The following TRAPPC8 variants were observed in gnomAD, a reference collection of about 807,000 sequenced individuals.
TRAPPC8 encodes the protein trafficking protein particle complex subunit 8, also known as general sporulation gene 1 homolog.
Under a neutral mutation model 174.3 loss-of-function variants are expected in TRAPPC8, and 54 were observed. The ratio of observed to expected loss-of-function variants is 0.31; its 90% confidence interval spans 0.25 to 0.39. The LOEUF is 0.39. TRAPPC8 is among the 10% of genes least tolerant of loss of function. The pLI is 1.00. For missense variants in TRAPPC8, 1,531 were observed against 1,699.1 expected (o/e 0.90, Z 1.74); for synonymous variants, 630 against 579.9 (o/e 1.09, Z -1.24).
At chr18:31,887,735 C>T (rs181384837) in intron 12 of TRAPPC8, among the ~76,000 whole-genome samples, 41 of 152,126 alleles carry the variant, frequency 2.7e-4, no homozygotes, top group Admixed American at 5.9e-4. Context: ...AAGTATTCCC[C>T]CTGAAAACCA....
intron 10 of TRAPPC8, among the ~76,000 whole-genome samples, chr18:31,899,028 C>G (rs2036298327): frequency 6.6e-6 from 1 of 152,138 alleles, no homozygotes; most frequent in African/African-American, 2.4e-5. Context: ...AATTACTATA[C>G]TGACTTGTCA....
At chr18:31,847,264 TATG>T (rs1351603609) in intron 25 of TRAPPC8, among the ~76,000 whole-genome samples, 7 of 152,244 alleles carry the variant, frequency 4.6e-5, no homozygotes, top group East Asian at 3.8e-4. Context: ...GTGGAAATGT[TATG>T]TTCATAAATA....
At chr18:31,866,270 T>C (rs1387178886) in intron 18 of TRAPPC8, among the ~76,000 whole-genome samples, 1 of 152,124 alleles carries the variant, frequency 6.6e-6, no homozygotes, top group Non-Finnish European at 1.5e-5. Flanking sequence ...TGTTAAATCT[T>C]GAAGGGTTCC....
rs757283620 is a variant in TRAPPC8 at position 31,873,526 on chromosome 18, G to A, written c.1966C>T (p.Leu656=). ...TGTGGCAAAGGACCATCTGGTGACA[G>A]CTGACTTACATTCTGAGAGAAATAT... The part of the protein sequence containing the change: ...YLYVYKNVSQ[L]SPDGPLPQLP... Residue 656 remains leucine, a synonymous_variant, in exon 14 of 29, where the codon CTG becomes TTG. Transcript: ENST00000283351. 1 of 1,611,262 alleles carries A rather than the reference G, an allele frequency of 6.2e-7. No homozygotes were observed. Among genetic ancestry groups the A allele is most frequent in the Non-Finnish European group, 8.5e-7 (1 of 1,178,760 alleles).
intron 2 of TRAPPC8, among the ~76,000 whole-genome samples, chr18:31,921,828 T>C (rs531721471): frequency 2.0e-5 from 3 of 152,236 alleles, no homozygotes; most frequent in East Asian, 3.9e-4. Flanking sequence ...TATCCAATTA[T>C]ATATATATTT....
intron 2 of TRAPPC8, among the ~76,000 whole-genome samples, chr18:31,928,943 G>A (rs937975354): frequency 7.2e-5 from 11 of 152,150 alleles, no homozygotes; most frequent in Admixed American, 6.6e-4. Context: ...CACTTTGGGA[G>A]GCTGAGGCAG....
At chr18:31,891,740 G>A (rs2035962635) in intron 11 of TRAPPC8, among the ~76,000 whole-genome samples, 1 of 152,112 alleles carries the variant, frequency 6.6e-6, no homozygotes, top group African/African-American at 2.4e-5. Flanking sequence ...TTTCCCCAGG[G>A]AAAGTTGAAA....
intron 9 of TRAPPC8, among the ~76,000 whole-genome samples, chr18:31,905,502 G>C (rs575906241): frequency 1.2e-3 from 181 of 152,178 alleles, no homozygotes; most frequent in African/African-American, 4.2e-3. Flanking sequence ...CCATCGGTTG[G>C]GAACTCTTCT....
chr18:31,841,486 G>C (rs868836634), intron 26 of TRAPPC8, among the ~76,000 whole-genome samples: 3 of 152,046 alleles, frequency 2.0e-5, no homozygotes, highest in Admixed American at 6.5e-5. Flanking sequence ...TGGGATGTAG[G>C]TGGAAGTATT....
chr18:31,869,697 TTTGATA>T (rs2034748304), intron 16 of TRAPPC8, among the ~76,000 whole-genome samples: 1 of 152,152 alleles, frequency 6.6e-6, no homozygotes, highest in Non-Finnish European at 1.5e-5. Context: ...ATTAAGACAC[TTTGATA>T]TCAGAATACG....
At chr18:31,838,804 A>G (rs900572510) in intron 27 of TRAPPC8, among the ~76,000 whole-genome samples, 4 of 151,944 alleles carry the variant, frequency 2.6e-5, no homozygotes, top group African/African-American at 7.2e-5. Context: ...TAATTTTTTA[A>G]TTAGTTCTTT....
intron 12 of TRAPPC8, among the ~76,000 whole-genome samples, chr18:31,879,135 C>T (rs1032571531): frequency 5.9e-5 from 9 of 152,242 alleles, no homozygotes; most frequent in African/African-American, 1.4e-4. Flanking sequence ...ACCTAATAGA[C>T]GTCTACAGAA....
chr18:31,882,066 G>C (rs2035481699), intron 12 of TRAPPC8, among the ~76,000 whole-genome samples: 1 of 152,112 alleles, frequency 6.6e-6, no homozygotes, highest in Non-Finnish European at 1.5e-5. Flanking sequence ...ACAGATAAAA[G>C]AGAACTACCA....
chr18:31,874,821 C>T (rs1437421277), intron 12 of TRAPPC8, 117 bp from the exon 13 acceptor site: 1 of 752,244 alleles, frequency 1.3e-6, no homozygotes, highest in Non-Finnish European at 2.1e-6. Context: ...CTAAGGGGGA[C>T]TGGGATAATG....
chr18:31,838,135 C>G (rs1026315409), intron 27 of TRAPPC8, among the ~76,000 whole-genome samples: 1 of 152,068 alleles, frequency 6.6e-6, no homozygotes, highest in Non-Finnish European at 1.5e-5. Flanking sequence ...ATGCCCGGCT[C>G]TAAGTTACTT....
intron 12 of TRAPPC8, among the ~76,000 whole-genome samples, chr18:31,887,644 C>A (rs2035776910): frequency 7.3e-6 from 1 of 136,566 alleles, no homozygotes; most frequent in Non-Finnish European, 1.6e-5. Flanking sequence ...GAAACTCCAT[C>A]TCAAAAAAAA....
At chr18:31,857,505 T>A in intron 20 of TRAPPC8, 35 bp downstream of exon 20, 1 of 1,501,582 alleles carries the variant, frequency 6.7e-7, no homozygotes, top group East Asian at 2.3e-5. Context: ...ACATTGAACA[T>A]AGATGTTAAA....
intron 1 of TRAPPC8, among the ~76,000 whole-genome samples, chr18:31,935,844 C>T (rs1003562217): frequency 2.6e-5 from 4 of 151,566 alleles, no homozygotes; most frequent in African/African-American, 4.8e-5. Context: ...CAAGCAATTC[C>T]CCTGCCTCAG....
chr18:31,933,959 G>A (rs1283039706), intron 1 of TRAPPC8, among the ~76,000 whole-genome samples: 8 of 152,034 alleles, frequency 5.3e-5, no homozygotes, highest in African/African-American at 7.2e-5. Context: ...AGGCTGAAGC[G>A]GGCGGAACAC....
Sources: allele counts gnomAD v4.1 joint callset (sites outside exome capture counted in the v4.1 genomes callset), GRCh38; gene constraint gnomAD v4.1.1; transcripts MANE v1.5; gene names NCBI Gene and HGNC (gene_info 2026-07-23, HGNC 2026-07-21).